CCDC33: variants seen among roughly 807,000 people sequenced by gnomAD.
CCDC33 encodes coiled-coil domain containing 33.
Under a neutral mutation model 91.9 loss-of-function variants are expected in CCDC33, and 94 were observed. The observed-to-expected ratio is 1.02, with a 90% CI of 0.87 to 1.21. The LOEUF (loss-of-function observed/expected upper bound fraction) is 1.21. Among genes scored for constraint, CCDC33 ranks in the 50% most tolerant of loss-of-function variants. CCDC33 has a pLI of 0.00. For missense variants in CCDC33, 940 were observed against 935.5 expected, an observed-to-expected ratio of 1.00 and a Z score of -0.06; for synonymous variants, 396 against 374.5, an observed-to-expected ratio of 1.06 and a Z score of -0.66.
chr15:74,284,055 T>C (rs891336602), intron 10 of CCDC33, among the ~76,000 whole-genome samples: 2 of 152,214 alleles, frequency 1.3e-5, no homozygotes, highest in African/African-American at 4.8e-5. Flanking sequence ...AATTGGCCAA[T>C]AACTGACTCC....
At chr15:74,292,753 G>C (rs2059608135) in intron 10 of CCDC33, among the ~76,000 whole-genome samples, 1 of 152,102 alleles carries the variant, frequency 6.6e-6, no homozygotes, top group Non-Finnish European at 1.5e-5. Flanking sequence ...CCAGGGTAGG[G>C]CAGGACAGAA....
intron 11 of CCDC33, chr15:74,300,484 ACATGG>A (rs1025912882): frequency 6.6e-6 from 1 of 152,260 alleles, no homozygotes; most frequent in African/African-American, 2.4e-5. Context: ...GGCGCCAGCG[ACATGG>A]CAGTGGTTGA....
At chr15:74,253,764 A>G (rs1040912871) in intron 2 of CCDC33, among the ~76,000 whole-genome samples, 10 of 152,186 alleles carry the variant, frequency 6.6e-5, no homozygotes, top group African/African-American at 2.4e-4. Context: ...ACTGTGGCAA[A>G]CCAGAGAGCA....
intron 2 of CCDC33, among the ~76,000 whole-genome samples, chr15:74,211,826 C>T (rs1196561431): frequency 6.6e-6 from 1 of 152,074 alleles, no homozygotes; most frequent in African/African-American, 2.4e-5. Context: ...CTCAGTCTCC[C>T]TCCTTTCCTT....
At chr15:74,268,912 T>A (rs2076243109) in intron 5 of CCDC33, among the ~76,000 whole-genome samples, 1 of 152,262 alleles carries the variant, frequency 6.6e-6, no homozygotes, top group Non-Finnish European at 1.5e-5. Flanking sequence ...TAGGGCCTCC[T>A]TGAGCTTTCC....
intron 3 of CCDC33, among the ~76,000 whole-genome samples, chr15:74,263,296 G>A (rs761949761): frequency 6.6e-6 from 1 of 152,182 alleles, no homozygotes; most frequent in Non-Finnish European, 1.5e-5. Flanking sequence ...CATCGCATCT[G>A]GCACTGCCAG....
At chr15:74,241,032 A>G (rs2075331475) in intron 1 of CCDC33, among the ~76,000 whole-genome samples, 1 of 152,182 alleles carries the variant, frequency 6.6e-6, no homozygotes, top group African/African-American at 2.4e-5. Flanking sequence ...CTGCCTACCC[A>G]GGAGGGCAGG....
chr15:74,225,436 C>G (rs1312482218), intron 2 of CCDC33, among the ~76,000 whole-genome samples: 1 of 151,474 alleles, frequency 6.6e-6, no homozygotes, highest in Non-Finnish European at 1.5e-5. Context: ...TCCATCCACC[C>G]TCATGGATGC....
rs906222863 is a variant in CCDC33, at chr15:74,316,551, G to C, written c.1291-13638G>C. ...CTGGTCTGGGAGGCTTCTTGCCCCA[G>C]GATCTTGGGGATAGCAGGGGGCACA... On this transcript the variant is annotated intron_variant, in intron 11 of 18. Transcript: ENST00000398814. The surrounding 1 kb of genome is among the most constrained non-coding windows in gnomAD (Gnocchi z 4.7). 7.9e-5 allele frequency among the ~76,000 whole-genome samples: 12 copies of C among 152,264 alleles called. No individual in the cohort carries two copies. The East Asian group carries it at 2.3e-3, about 29-fold the overall frequency.
chr15:74,234,685 T>C (rs992936611), upstream of CCDC33, among the ~76,000 whole-genome samples: 1 of 152,112 alleles, frequency 6.6e-6, no homozygotes, highest in Non-Finnish European at 1.5e-5. Context: ...GGCAGGAAGA[T>C]GGCAGGGGCG....
chr15:74,323,967 C>A (rs2060256934), intron 11 of CCDC33, among the ~76,000 whole-genome samples: 1 of 151,926 alleles, frequency 6.6e-6, no homozygotes, highest in African/African-American at 2.4e-5. Flanking sequence ...GTGGCAGGCG[C>A]CTGTAATCCC....
chr15:74,238,169 G>A (rs1428766414), intron 1 of CCDC33, among the ~76,000 whole-genome samples: 1 of 151,816 alleles, frequency 6.6e-6, no homozygotes, highest in African/African-American at 2.4e-5. Context: ...TCTCACTCCT[G>A]TAATCCCAGC....
intron 11 of CCDC33, among the ~76,000 whole-genome samples, chr15:74,325,254 G>A (rs1205372236): frequency 1.9e-4 from 6 of 32,212 alleles, no homozygotes; most frequent in Non-Finnish European, 6.5e-4. Flanking sequence ...TCCTGAGATT[G>A]GCCACACCCC....
rs1264007862 is a variant in CCDC33, at chr15:74,330,232, A to G, written c.1334A>G (p.Asp445Gly). ...CGGGCCATGCAGAAGATGGCAGAGG[A>G]CATCCTGTCTCTGCGGAGACAGGCC... ...YRRAMQKMAE[D>G]ILSLRRQASI... is the part of the protein sequence containing the mutation. The change falls in exon 12 of 19, where the codon GAC becomes GGC. Residue 445 changes from aspartate to glycine, a missense_variant. By Grantham distance (94) the Asp-to-Gly change is moderately conservative (BLOSUM62 -1). Coordinates refer to ENST00000398814, the MANE Select transcript of CCDC33 (RefSeq NM_025055.5). 6.2e-7 allele frequency: 1 copy of G among 1,612,756 alleles called. No individual in the cohort carries two copies. Among genetic ancestry groups the G allele is most frequent in the South Asian group, 1.1e-5 (1 of 91,012 alleles).
chr15:74,221,159 C>G (rs2074580654), intron 2 of CCDC33: 1 of 955,200 alleles, frequency 1.0e-6, no homozygotes, highest in South Asian at 4.8e-5. Flanking sequence ...CTATTCAATT[C>G]AGAACTTGGT....
chr15:74,207,803 C>T (rs2074295484), intron 1 of CCDC33: 6 of 1,535,608 alleles, frequency 3.9e-6, no homozygotes, highest in Non-Finnish European at 5.2e-6. Context: ...AGCACACTCA[C>T]ACACACATCC....
intron 2 of CCDC33, among the ~76,000 whole-genome samples, chr15:74,209,919 A>G (rs1003746109): frequency 6.6e-6 from 1 of 152,194 alleles, no homozygotes; most frequent in Non-Finnish European, 1.5e-5. Context: ...TGAAGGAGAA[A>G]GGGAGTGCCA....
chr15:74,221,315 A>C, intron 2 of CCDC33: 1 of 981,224 alleles, frequency 1.0e-6, no homozygotes, highest in Non-Finnish European at 1.2e-6. Context: ...GGAATGCAAT[A>C]ATCAAGATGA....
chr15:74,330,237 C>G lies in CCDC33; in HGVS notation c.1339C>G (p.Leu447Val). The G allele has an allele frequency of 6.2e-7, 1 of 1,613,006 alleles. No homozygotes were observed. The highest frequency in any genetic ancestry group is 8.5e-7 in the Non-Finnish European group (1 of 1,179,670). The part of the protein sequence containing the change: ...RAMQKMAEDI[L>V]SLRRQASILE... ...CATGCAGAAGATGGCAGAGGACATC[C>G]TGTCTCTGCGGAGACAGGCCAGCAT... Residue 447 changes from leucine to valine, a missense_variant, in exon 12 of 19, where the codon CTG (leucine) becomes GTG (valine). Physicochemically the swap from Leu to Val is conservative, Grantham distance 32 (BLOSUM62 1). Transcript: ENST00000398814.
Sources: allele counts gnomAD v4.1 joint callset (sites outside exome capture counted in the v4.1 genomes callset), GRCh38; gene constraint gnomAD v4.1.1; non-coding constraint Gnocchi (gnomAD v3.1); transcripts MANE v1.5; gene names NCBI Gene and HGNC (gene_info 2026-07-23, HGNC 2026-07-21).